CSMD1: variants seen among roughly 807,000 people sequenced by gnomAD.
The protein encoded by CSMD1 is CUB and sushi domain-containing protein 1.
A neutral mutation model predicts 417.5 loss-of-function variants in CSMD1; 213 were observed. The observed-to-expected ratio is 0.51, with a 90% CI of 0.46 to 0.57. The LOEUF is 0.57. Among genes scored for constraint, CSMD1 ranks in the 20% least tolerant of loss-of-function variants. The pLI is 0.00. For synonymous variants in CSMD1, 2,862 were observed against 1,736.8 expected (o/e 1.65, Z -16.11); for missense variants, 6,923 against 4,529.7 (o/e 1.53, Z -15.17).
chr8:3,453,831 C>G (rs546301584), intron 12 of CSMD1, among the ~76,000 whole-genome samples: 3 of 152,160 alleles, frequency 2.0e-5, no homozygotes, highest in Non-Finnish European at 4.4e-5. Flanking sequence ...ATTAGATCTG[C>G]TTGGTGCAGA....
At chr8:4,355,792 C>T (rs1366176686) in intron 3 of CSMD1, among the ~76,000 whole-genome samples, 3 of 152,160 alleles carry the variant, frequency 2.0e-5, no homozygotes, top group Non-Finnish European at 4.4e-5. Context: ...ACATGTGCTA[C>T]TAACCTGGCT....
chr8:4,613,987 G>C (rs1260718478), intron 2 of CSMD1, among the ~76,000 whole-genome samples: 1 of 151,132 alleles, frequency 6.6e-6, no homozygotes. Flanking sequence ...GGAAAATAAA[G>C]ATTTTACATG....
intron 1 of CSMD1, among the ~76,000 whole-genome samples, chr8:4,927,130 G>C (rs1374714264): frequency 2.2e-5 from 3 of 138,882 alleles, no homozygotes; most frequent in African/African-American, 8.1e-5. Flanking sequence ...TATTAAGATA[G>C]ACACTCACTC....
chr8:4,570,885 C>A (rs1467104611), intron 2 of CSMD1, among the ~76,000 whole-genome samples: 2 of 151,930 alleles, frequency 1.3e-5, no homozygotes, highest in Non-Finnish European at 2.9e-5. Context: ...GTATGTGTAC[C>A]CAGGAATTTG....
intron 5 of CSMD1, among the ~76,000 whole-genome samples, chr8:3,797,251 C>T (rs955749457): frequency 1.3e-5 from 2 of 151,868 alleles, no homozygotes; most frequent in Non-Finnish European, 2.9e-5. Context: ...ACTCAAGTGG[C>T]TATAAAGTAG....
intron 3 of CSMD1, among the ~76,000 whole-genome samples, chr8:4,378,997 T>C (rs1468400696): frequency 6.6e-6 from 1 of 152,196 alleles, no homozygotes; most frequent in African/African-American, 2.4e-5. Context: ...CTCAGATGGA[T>C]TAAGAAAGTA....
intron 1 of CSMD1, among the ~76,000 whole-genome samples, chr8:4,922,706 C>G (rs1258896771): frequency 1.3e-5 from 2 of 152,132 alleles, no homozygotes; most frequent in African/African-American, 2.4e-5. Context: ...GATGACAGAC[C>G]AGCCCATTAT....
intron 49 of CSMD1, among the ~76,000 whole-genome samples, chr8:3,080,925 A>C (rs1814048896): frequency 6.6e-6 from 1 of 151,904 alleles, no homozygotes; most frequent in Admixed American, 6.6e-5. Context: ...ATGCGTCTAC[A>C]ATGTCATTGG....
intron 1 of CSMD1, among the ~76,000 whole-genome samples, chr8:4,949,965 T>C: frequency 6.6e-6 from 1 of 152,250 alleles, no homozygotes; most frequent in East Asian, 1.9e-4. Context: ...TTTTAAACAG[T>C]TAATGCAAAT....
intron 2 of CSMD1, among the ~76,000 whole-genome samples, chr8:4,583,602 AC>A (rs1799556396): frequency 6.6e-6 from 1 of 151,948 alleles, no homozygotes; most frequent in African/African-American, 2.4e-5. Flanking sequence ...ACCAATGGAC[AC>A]TGTATCTAGC....
At chr8:4,235,993 T>C (rs914598899) in intron 3 of CSMD1, among the ~76,000 whole-genome samples, 1 of 150,784 alleles carries the variant, frequency 6.6e-6, no homozygotes, top group African/African-American at 2.4e-5. Context: ...TGATTCGTGA[T>C]AATCACTGTG....
intron 3 of CSMD1, among the ~76,000 whole-genome samples, chr8:4,298,977 G>C (rs1287330586): frequency 1.3e-5 from 2 of 151,898 alleles, no homozygotes; most frequent in Non-Finnish European, 2.9e-5. Context: ...AACAATGAAA[G>C]TGTTGCTTTG....
chr8:3,571,169 C>G (rs539319219), intron 10 of CSMD1, among the ~76,000 whole-genome samples: 43 of 152,126 alleles, frequency 2.8e-4, no homozygotes, highest in Admixed American at 6.5e-4. Flanking sequence ...TGAGAGAAAA[C>G]CAACGCCATC....
intron 1 of CSMD1, among the ~76,000 whole-genome samples, chr8:4,936,406 G>A (rs1166182341): frequency 6.6e-6 from 1 of 152,156 alleles, no homozygotes; most frequent in East Asian, 1.9e-4. Context: ...AATTGAAGAT[G>A]TACTCAAATT....
chr8:3,826,774 TTTTA>T (rs1173631621), intron 5 of CSMD1, among the ~76,000 whole-genome samples: 2 of 151,430 alleles, frequency 1.3e-5, no homozygotes, highest in South Asian at 2.1e-4. Context: ...TTGAACATAT[TTTTA>T]TTTATTTTTA....
At chr8:4,151,345 T>A (rs1228621507) in intron 3 of CSMD1, among the ~76,000 whole-genome samples, 1 of 152,176 alleles carries the variant, frequency 6.6e-6, no homozygotes, top group Non-Finnish European at 1.5e-5. Flanking sequence ...AATCACTTAT[T>A]TACAGTGAGA....
At chr8:4,736,201 G>A (rs1810224120) in intron 1 of CSMD1, among the ~76,000 whole-genome samples, 1 of 152,090 alleles carries the variant, frequency 6.6e-6, no homozygotes, top group Non-Finnish European at 1.5e-5. Flanking sequence ...AATTATCTGT[G>A]CAGGACAGGG....
chr8:4,179,181 T>G (rs1417726298), intron 3 of CSMD1, among the ~76,000 whole-genome samples: 1 of 151,622 alleles, frequency 6.6e-6, no homozygotes, highest in African/African-American at 2.4e-5. Context: ...CAAACTATAC[T>G]ACAAGGCTAC....
At chr8:4,407,817 T>G (rs1458088268) in intron 3 of CSMD1, among the ~76,000 whole-genome samples, 2 of 152,206 alleles carry the variant, frequency 1.3e-5, no homozygotes, top group Non-Finnish European at 2.9e-5. Context: ...TGAGAAGGTT[T>G]TGAACAAGTG....
Sources: gnomAD v4.1 joint callset for allele counts (sites outside exome capture counted in the v4.1 genomes callset) on GRCh38, gnomAD v4.1.1 for gene constraint, MANE v1.5 for transcripts, NCBI Gene and HGNC (gene_info 2026-07-23, HGNC 2026-07-21) for gene names.